RAB27B: variants seen among roughly 807,000 people sequenced by gnomAD.
RAB27B encodes the protein RAB27B, member RAS oncogene family.
Under a neutral mutation model 24.6 loss-of-function variants are expected in RAB27B, and 15 were observed. The ratio of observed to expected loss-of-function variants is 0.61; its 90% CI spans 0.41 to 0.94. The LOEUF (loss-of-function observed/expected upper bound fraction) is 0.94. RAB27B is among the 40% of genes least tolerant of loss of function. RAB27B has a pLI of 0.00. For synonymous variants in RAB27B, 105 were observed against 92.5 expected (o/e 1.14, Z -0.78); for missense variants, 261 against 266.8 (o/e 0.98, Z 0.15).
chr18:54,792,703 A>G (rs1470343706), intron 2 of RAB27B, among the ~76,000 whole-genome samples: 1 of 152,228 alleles, frequency 6.6e-6, no homozygotes, highest in Non-Finnish European at 1.5e-5. Context: ...TCACTGCTCC[A>G]GTACCTAACA....
In RAB27B at chr18:54,884,367, G is replaced by A. The variant is rs9966265; in HGVS notation, c.274G>A (p.Ala92Thr). Reference sequence around the variant, plus strand: ...TCTCACCACTGCATTTTTCAGAGACGCCATGGGCTTCTTATTAATGTTTGA... The same window carrying A: ...TCTCACCACTGCATTTTTCAGAGACACCATGGGCTTCTTATTAATGTTTGA... The part of the protein sequence containing the change: ...RSLTTAFFRD[A>T]MGFLLMFDLT... Residue 92 changes from alanine (A) to threonine (T), a missense_variant, in exon 4 of 6, where the codon GCC becomes ACC. Physicochemically the swap from Ala to Thr is moderately conservative, Grantham distance 58. Coordinates refer to ENST00000262094, the MANE Select transcript of RAB27B (RefSeq NM_004163.4). The A allele has an allele frequency of 2.5e-4, 405 of 1,612,698 alleles. 1 individual carries two copies. The African/African-American group carries it at 4.6e-3, about 18-fold the overall frequency.
intron 1 of RAB27B, among the ~76,000 whole-genome samples, chr18:54,838,794 T>C (rs1310720015): frequency 6.6e-6 from 1 of 152,082 alleles, no homozygotes; most frequent in Non-Finnish European, 1.5e-5. Flanking sequence ...TGGTCTTTAA[T>C]TTTTTTTCTT....
chr18:54,786,572 T>C (rs534571848), intron 2 of RAB27B, among the ~76,000 whole-genome samples: 1 of 152,326 alleles, frequency 6.6e-6, no homozygotes, highest in South Asian at 2.1e-4. Flanking sequence ...TAGACACATA[T>C]TTTGTGTCTT....
rs571282213 is a variant in RAB27B at position 54,850,675 on chromosome 18, AT to A, written c.-20+21982del. Among the ~76,000 whole-genome samples, 19 of 151,050 alleles carry A rather than the reference AT, an allele frequency of 1.3e-4. 1 individual carries two copies. Among genetic ancestry groups the A allele is most frequent in the African/African-American group, 3.6e-4 (15 of 41,146 alleles). On this transcript the variant is annotated intron_variant, in intron 1 of 5. Transcript: ENST00000262094. ...GCCACCGTGCCTGGCTTCAGAATGT[AT>A]TTTTTTGCCAGTGTGTCATGTTTCA...
intron 1 of RAB27B, among the ~76,000 whole-genome samples, chr18:54,862,114 A>G (rs1355547250): frequency 6.6e-6 from 1 of 152,202 alleles, no homozygotes. Flanking sequence ...CCAACTTAAG[A>G]AGACAAGCAG....
At chr18:54,785,389 A>G (rs907000244) in intron 2 of RAB27B, among the ~76,000 whole-genome samples, 1 of 146,472 alleles carries the variant, frequency 6.8e-6, no homozygotes, top group African/African-American at 2.5e-5. Context: ...GGCATCAGCC[A>G]CTGAACCCGG....
At chr18:54,877,077 C>T (rs187624447) in intron 1 of RAB27B, among the ~76,000 whole-genome samples, 26 of 152,300 alleles carry the variant, frequency 1.7e-4, no homozygotes, top group Admixed American at 1.6e-3. Flanking sequence ...CATTTATCCT[C>T]ATGCTGCTCA....
intron 2 of RAB27B, among the ~76,000 whole-genome samples, chr18:54,722,147 A>G (rs1041254116): frequency 6.6e-6 from 1 of 152,156 alleles, no homozygotes; most frequent in Non-Finnish European, 1.5e-5. Context: ...AACTCCTTCA[A>G]ATACTTCATC....
intron 1 of RAB27B, among the ~76,000 whole-genome samples, chr18:54,833,900 C>T (rs1910792532): frequency 6.6e-6 from 1 of 152,046 alleles, no homozygotes; most frequent in African/African-American, 2.4e-5. Flanking sequence ...TCTGGAGGCA[C>T]CAATGGGGAA....
At chr18:54,818,164 T>TG (rs1424275916) in intron 2 of RAB27B, among the ~76,000 whole-genome samples, 2 of 152,182 alleles carry the variant, frequency 1.3e-5, no homozygotes, top group African/African-American at 2.4e-5. Context: ...TACAATCCTT[T>TG]GGGAAATTTT....
chr18:54,825,047 C>G (rs766474059), upstream of RAB27B, among the ~76,000 whole-genome samples: 22 of 152,134 alleles, frequency 1.4e-4, no homozygotes, highest in Non-Finnish European at 2.5e-4. Flanking sequence ...CCTTGCATAT[C>G]TGAAAATTTT....
intron 2 of RAB27B, among the ~76,000 whole-genome samples, chr18:54,795,070 A>G (rs1194408947): frequency 6.6e-6 from 1 of 152,226 alleles, no homozygotes; most frequent in Non-Finnish European, 1.5e-5. Context: ...TCTTTATACC[A>G]GGATGGAAAT....
intron 2 of RAB27B, among the ~76,000 whole-genome samples, chr18:54,776,630 A>G (rs1223547382): frequency 6.6e-6 from 1 of 152,140 alleles, no homozygotes; most frequent in East Asian, 1.9e-4. Context: ...CCATGTCAAC[A>G]ATGTTCTGCA....
At position 54,894,436 on chromosome 18, in the gene RAB27B, T is replaced by C. The variant is rs948435473; in HGVS notation, c.*5023T>C. 1 of 152,026 alleles carries C rather than the reference T, an allele frequency of 6.6e-6. No individual in the cohort carries two copies. Among genetic ancestry groups the C allele is most frequent in the Non-Finnish European group, 1.5e-5 (1 of 67,944 alleles). 9.4% of individuals were successfully genotyped at this position (152,026 alleles called of 1,614,324 possible). A position where few individuals can be genotyped will look rare whatever the true frequency, so the allele number is the denominator to read the frequency against. ...TTAACTTAATGGATCCCTTATTCAA[T>C]CAGTGGCTTCTGTCTTTATGTCTGT... On this transcript the variant is annotated 3_prime_UTR_variant, in exon 6 of 6. Transcript: ENST00000262094.
At chr18:54,857,876 G>T (rs1309903518) in intron 1 of RAB27B, among the ~76,000 whole-genome samples, 1 of 152,166 alleles carries the variant, frequency 6.6e-6, no homozygotes, top group African/African-American at 2.4e-5. Flanking sequence ...TATTTAGATT[G>T]CTTAAGAAAA....
rs182311623 is a variant in RAB27B, at chr18:54,749,843, G to T, written c.-20+31702G>T. On this transcript the variant is annotated intron_variant, in intron 2 of 4. Coordinates refer to the RAB27B transcript ENST00000586570. The stretch of plus-strand genomic sequence containing the variant: ...GGGGGGTTGGTTGTTTTTTTGTTTT[G>T]CTTCAAGCTCTAATAATGTTAGCTG... Among the ~76,000 whole-genome samples, 759 of 151,968 alleles carry T rather than the reference G, an allele frequency of 5.0e-3. 7 individuals carry two copies. Among genetic ancestry groups the T allele is most frequent in the African/African-American group, 0.017 (715 of 41,498 alleles).
chr18:54,805,480 A>G (rs1158638042), intron 2 of RAB27B, among the ~76,000 whole-genome samples: 2 of 152,238 alleles, frequency 1.3e-5, no homozygotes, highest in Non-Finnish European at 2.9e-5. Context: ...CTAGGTACAT[A>G]TACAAAGCAC....
intron 1 of RAB27B, among the ~76,000 whole-genome samples, chr18:54,844,408 C>CTTTTTTTTTTTTTTTTTTTTTTTTT (rs148747981): frequency 1.1e-4 from 12 of 107,878 alleles, no homozygotes; most frequent in African/African-American, 1.7e-4. Flanking sequence ...CTTTTCTTTT[C>CTTTTTTTTTTTTTTTTTTTTTTTTT]TTTTTTTTTT....
chr18:54,795,339 C>T (rs908001419), intron 2 of RAB27B, among the ~76,000 whole-genome samples: 2 of 152,058 alleles, frequency 1.3e-5, no homozygotes, highest in Non-Finnish European at 2.9e-5. Flanking sequence ...CATGTGTTAC[C>T]GAAATGCCAA....
Sources: allele counts gnomAD v4.1 joint callset (sites outside exome capture counted in the v4.1 genomes callset), GRCh38; gene constraint gnomAD v4.1.1; transcripts MANE v1.5; gene names NCBI Gene and HGNC (gene_info 2026-07-23, HGNC 2026-07-21).